Variants in GPC6 observed in about 807,000 individuals in gnomAD.
GPC6 encodes the protein glypican 6, also known as glypican-6.
A neutral mutation model predicts 55.2 loss-of-function variants in GPC6; 14 were observed. The observed-to-expected ratio is 0.25, with a 90% CI of 0.17 to 0.40. The LOEUF (loss-of-function observed/expected upper bound fraction) is 0.40, where lower values mean the gene tolerates loss of function less well. Among genes scored for constraint, GPC6 ranks in the 10% least tolerant of loss-of-function variants. The pLI is 1.00. For missense variants in GPC6, 641 were observed against 708.5 expected, an observed-to-expected ratio of 0.90 and a Z score of 1.08; for synonymous variants, 278 against 259.6, an observed-to-expected ratio of 1.07 and a Z score of -0.68.
intron 2 of GPC6, among the ~76,000 whole-genome samples, chr13:93,644,059 T>C (rs996153379): frequency 6.6e-6 from 1 of 152,096 alleles, no homozygotes; most frequent in African/African-American, 2.4e-5. Flanking sequence ...AGCTTGTAAG[T>C]ATGGAATATA....
intron 2 of GPC6, among the ~76,000 whole-genome samples, chr13:93,613,458 A>G (rs73543516): frequency 0.036 from 5,473 of 151,864 alleles, 343 homozygotes; most frequent in African/African-American, 0.13. Context: ...GACTATATGC[A>G]TTTAGTCACA....
chr13:93,931,765 G>GAAAAA (rs545578327), intron 3 of GPC6, among the ~76,000 whole-genome samples: 14 of 49,640 alleles, frequency 2.8e-4, no homozygotes, highest in South Asian at 7.3e-4. Flanking sequence ...CTCTGTCTCA[G>GAAAAA]AAAAAAAAAA....
At chr13:94,242,143 C>T (rs999557617) in intron 4 of GPC6, among the ~76,000 whole-genome samples, 2 of 151,960 alleles carry the variant, frequency 1.3e-5, no homozygotes, top group Non-Finnish European at 2.9e-5. Context: ...TATTCAATCC[C>T]CACCTATGAG....
intron 4 of GPC6, among the ~76,000 whole-genome samples, chr13:94,248,610 A>ACACAAATAATACACAT (rs1161887115): frequency 3.3e-5 from 5 of 152,094 alleles, no homozygotes; most frequent in Admixed American, 2.6e-4. Flanking sequence ...ACCTTCATAT[A>ACACAAATAATACACAT]GGACCCTCTA....
At chr13:93,603,956 G>T (rs1277212836) in intron 2 of GPC6, among the ~76,000 whole-genome samples, 1 of 152,108 alleles carries the variant, frequency 6.6e-6, no homozygotes, top group South Asian at 2.1e-4. Context: ...AAAAAATCTG[G>T]AATAGAAAAA....
chr13:94,363,640 C>A (rs1034011335), intron 6 of GPC6, among the ~76,000 whole-genome samples: 4 of 152,210 alleles, frequency 2.6e-5, no homozygotes, highest in African/African-American at 9.6e-5. Context: ...AACTGGCCCC[C>A]TCTCCTGACG....
chr13:93,864,611 G>A (rs1888906462), intron 3 of GPC6, among the ~76,000 whole-genome samples: 1 of 151,658 alleles, frequency 6.6e-6, no homozygotes, highest in Admixed American at 6.6e-5. Flanking sequence ...AATATTTATT[G>A]ACCACTTGCT....
chr13:93,709,555 C>T (rs565692811), intron 2 of GPC6, among the ~76,000 whole-genome samples: 11 of 151,934 alleles, frequency 7.2e-5, no homozygotes, highest in African/African-American at 2.6e-4. Flanking sequence ...TTCCATAATT[C>T]TGAAAACATC....
chr13:94,118,980 T>G (rs1180927951), intron 4 of GPC6, among the ~76,000 whole-genome samples: 2 of 133,754 alleles, frequency 1.5e-5, no homozygotes, highest in Non-Finnish European at 3.1e-5. Context: ...ATTCCTGGCC[T>G]GTATATACAT....
chr13:93,379,191 C>T (rs1394799453), intron 1 of GPC6, among the ~76,000 whole-genome samples: 1 of 152,144 alleles, frequency 6.6e-6, no homozygotes, highest in African/African-American at 2.4e-5. Context: ...GTAGCTAGGA[C>T]TACATAGCCC....
chr13:94,329,821 C>CA lies in GPC6; in HGVS notation c.1152+23708dup, dbSNP rs566314036. ...TCTCTTACCTTGGTCCTATTTGGGACAAAAAAAAAATCCCTGGGTCAGAAA... is the reference window on the plus strand; with the variant it reads ...TCTCTTACCTTGGTCCTATTTGGGACAAAAAAAAAAATCCCTGGGTCAGAAA... On this transcript the variant is annotated intron_variant, in intron 6 of 8. Transcript: ENST00000377047. Among the ~76,000 whole-genome samples, 299 of 145,834 alleles carry CA rather than the reference C, an allele frequency of 2.1e-3. 1 individual carries two copies. The highest frequency in any genetic ancestry group is 6.2e-3 in the African/African-American group (248 of 39,734).
At chr13:93,371,348 C>T (rs951694708) in intron 1 of GPC6, among the ~76,000 whole-genome samples, 3 of 151,862 alleles carry the variant, frequency 2.0e-5, no homozygotes, top group Non-Finnish European at 4.4e-5. Context: ...CTAGTTAGCT[C>T]AGATTTTAGG....
intron 3 of GPC6, among the ~76,000 whole-genome samples, chr13:93,942,419 T>C (rs1054215810): frequency 6.6e-6 from 1 of 152,122 alleles, no homozygotes; most frequent in Non-Finnish European, 1.5e-5. Context: ...TCCCAGGCTT[T>C]GGTGATCCTC....
intron 2 of GPC6, among the ~76,000 whole-genome samples, chr13:93,638,751 G>C (rs1879796752): frequency 6.6e-6 from 1 of 152,114 alleles, no homozygotes; most frequent in African/African-American, 2.4e-5. Context: ...CACAAGTTAT[G>C]CCTTGAGAAT....
intron 7 of GPC6, among the ~76,000 whole-genome samples, chr13:94,386,368 A>G (rs1289422409): frequency 2.0e-5 from 3 of 151,770 alleles, no homozygotes; most frequent in African/African-American, 7.3e-5. Flanking sequence ...TCAAAAAAAA[A>G]AAAAGAAAAG....
intron 1 of GPC6, among the ~76,000 whole-genome samples, chr13:93,490,845 G>T (rs1594208683): frequency 1.1e-5 from 1 of 92,868 alleles, no homozygotes; most frequent in African/African-American, 4.0e-5. Flanking sequence ...CAAAGGACAT[G>T]AACTCATCAT....
chr13:93,750,630 TGTTCTCC>T (rs891306885), intron 2 of GPC6, among the ~76,000 whole-genome samples: 33 of 152,332 alleles, frequency 2.2e-4, no homozygotes, highest in African/African-American at 7.9e-4. Flanking sequence ...ATAGCCCACG[TGTTCTCC>T]GTTCTCAGCA....
intron 1 of GPC6, among the ~76,000 whole-genome samples, chr13:93,378,798 C>T (rs989710761): frequency 1.1e-4 from 16 of 151,930 alleles, no homozygotes; most frequent in African/African-American, 3.9e-4. Context: ...GAGTTAGAGA[C>T]CAGCCTGGCC....
At chr13:93,887,972 TG>T (rs1326828346) in intron 3 of GPC6, among the ~76,000 whole-genome samples, 4 of 152,136 alleles carry the variant, frequency 2.6e-5, no homozygotes, top group African/African-American at 9.7e-5. Context: ...CCAGTCCATC[TG>T]GGGTCCACTC....
Sources: allele counts gnomAD v4.1 joint callset (sites outside exome capture counted in the v4.1 genomes callset), GRCh38; gene constraint gnomAD v4.1.1; transcripts MANE v1.5; gene names NCBI Gene and HGNC (gene_info 2026-07-23, HGNC 2026-07-21).